The following NAALADL2 variants were observed in gnomAD, a reference collection of about 807,000 sequenced individuals.
NAALADL2 encodes N-acetylated alpha-linked acidic dipeptidase like 2, also known as inactive N-acetylated-alpha-linked acidic dipeptidase-like protein 2.
NAALADL2 carries 76 observed loss-of-function variants against 87.2 expected under a neutral mutation model. The ratio of observed to expected loss-of-function variants is 0.87; its 90% CI spans 0.72 to 1.05. The LOEUF (loss-of-function observed/expected upper bound fraction) is 1.05, where lower values mean the gene tolerates loss of function less well. Among genes scored for constraint, NAALADL2 ranks in the 50% least tolerant of loss-of-function variants. The pLI is 0.00. For synonymous variants in NAALADL2, 354 were observed against 331.0 expected, an observed-to-expected ratio of 1.07 and a Z score of -0.75; for missense variants, 1,089 against 945.8, an observed-to-expected ratio of 1.15 and a Z score of -1.99.
intron 11 of NAALADL2, among the ~76,000 whole-genome samples, chr3:175,703,509 G>A (rs927855620): frequency 1.3e-5 from 2 of 152,118 alleles, no homozygotes; most frequent in South Asian, 2.1e-4. Flanking sequence ...TTGGGAGGCC[G>A]AGGCGGGCGG....
At chr3:175,218,989 T>G in intron 2 of NAALADL2, among the ~76,000 whole-genome samples, 1 of 151,944 alleles carries the variant, frequency 6.6e-6, no homozygotes, top group East Asian at 1.9e-4. Context: ...TATTACTGTA[T>G]AATATTTTAT....
chr3:175,056,938 A>G (rs762319944), intron 1 of NAALADL2, among the ~76,000 whole-genome samples: 3 of 152,200 alleles, frequency 2.0e-5, no homozygotes, highest in Admixed American at 6.5e-5. Flanking sequence ...CATCATGTAC[A>G]TGTCACAGTG....
intron 3 of NAALADL2, among the ~76,000 whole-genome samples, chr3:174,814,373 C>T (rs912754367): frequency 6.6e-6 from 1 of 152,084 alleles, no homozygotes; most frequent in Non-Finnish European, 1.5e-5. Flanking sequence ...TCCCAAAGTG[C>T]TGGGATTACA....
intron 4 of NAALADL2, among the ~76,000 whole-genome samples, chr3:175,281,045 T>G (rs1335208266): frequency 6.6e-6 from 1 of 151,754 alleles, no homozygotes; most frequent in Non-Finnish European, 1.5e-5. Context: ...ACATTAACAT[T>G]TGAGGTGCAG....
chr3:175,088,507 TTAAA>T (rs1345049603), intron 1 of NAALADL2, among the ~76,000 whole-genome samples: 4 of 152,350 alleles, frequency 2.6e-5, no homozygotes, highest in African/African-American at 9.6e-5. Context: ...ACTGTGGGCC[TTAAA>T]TAGTCTTTGT....
intron 1 of NAALADL2, among the ~76,000 whole-genome samples, chr3:174,922,762 T>C (rs534328577): frequency 1.3e-5 from 2 of 152,268 alleles, no homozygotes; most frequent in Admixed American, 6.5e-5. Context: ...TGAAATGGTG[T>C]ATTTTTCCAC....
At chr3:175,323,775 T>C (rs1462530796) in intron 4 of NAALADL2, among the ~76,000 whole-genome samples, 5 of 151,588 alleles carry the variant, frequency 3.3e-5, no homozygotes, top group Non-Finnish European at 5.9e-5. Flanking sequence ...CCCAGCAGTT[T>C]GGGAGGCCGA....
Position 175,530,059 on chromosome 3 carries a change from A to AGTCCATGTT in NAALADL2, c.1654-45980_1654-45972dup, listed in dbSNP as rs567136695. 7.9e-5 allele frequency among the ~76,000 whole-genome samples: 12 copies of AGTCCATGTT among 152,308 alleles called. No individual in the cohort carries two copies. In the South Asian group the frequency reaches 2.5e-3, roughly 32 times the overall value. Reference sequence around the variant, plus strand: ...AGCCAGGTCAGACTTGGTGAGTGAAAGTCCATGTTGCTGAGCCCATGTGTA... The same window carrying AGTCCATGTT: ...AGCCAGGTCAGACTTGGTGAGTGAAAGTCCATGTTGTCCATGTTGCTGAGCCCATGTGTA... On this transcript the variant is annotated intron_variant, in intron 9 of 13. Coordinates refer to ENST00000454872, the MANE Select transcript of NAALADL2 (RefSeq NM_207015.3).
intron 1 of NAALADL2, among the ~76,000 whole-genome samples, chr3:175,095,159 T>C (rs891735161): frequency 6.6e-6 from 1 of 152,012 alleles, no homozygotes. Context: ...TCTTATTCTC[T>C]CTTTGTGTTT....
At chr3:174,745,939 A>G (rs533892011) in intron 3 of NAALADL2, among the ~76,000 whole-genome samples, 14 of 152,326 alleles carry the variant, frequency 9.2e-5, no homozygotes, top group African/African-American at 2.9e-4. Flanking sequence ...TCAAAATAGT[A>G]TGAGCCATTT....
At chr3:174,769,521 C>T (rs189579547) in intron 3 of NAALADL2, among the ~76,000 whole-genome samples, 5 of 151,746 alleles carry the variant, frequency 3.3e-5, no homozygotes, top group African/African-American at 4.8e-5. Context: ...AGGGAGAAAG[C>T]GTCTGGATTT....
At chr3:175,717,779 C>CT (rs1344351134) in intron 11 of NAALADL2, among the ~76,000 whole-genome samples, 1 of 147,010 alleles carries the variant, frequency 6.8e-6, no homozygotes. Context: ...AGAGTTTAGT[C>CT]TAACAGTGAC....
intron 2 of NAALADL2, among the ~76,000 whole-genome samples, chr3:174,734,608 C>T (rs1333657657): frequency 6.6e-6 from 1 of 152,056 alleles, no homozygotes; most frequent in Non-Finnish European, 1.5e-5. Flanking sequence ...GGGAAAACAC[C>T]AACATCCGGT....
intron 2 of NAALADL2, among the ~76,000 whole-genome samples, chr3:174,634,209 C>G (rs1460778362): frequency 1.3e-5 from 2 of 151,968 alleles, no homozygotes; most frequent in African/African-American, 2.4e-5. Flanking sequence ...ATATTAATAC[C>G]CTTTCCTGTT....
chr3:175,676,638 T>C (rs1444787505), intron 11 of NAALADL2: 1 of 143,602 alleles, frequency 7.0e-6, no homozygotes, highest in Non-Finnish European at 1.5e-5. Context: ...TGCTCTTGAT[T>C]AAAAAAAAAA....
chr3:174,527,475 C>T (rs1354273127), intron 1 of NAALADL2, among the ~76,000 whole-genome samples: 4 of 150,080 alleles, frequency 2.7e-5, no homozygotes, highest in South Asian at 2.1e-4. Flanking sequence ...GCTGAGATTG[C>T]GCCATTGCAC....
intron 1 of NAALADL2, among the ~76,000 whole-genome samples, chr3:174,955,978 ACT>A (rs1273146393): frequency 2.0e-5 from 3 of 151,912 alleles, no homozygotes; most frequent in East Asian, 1.9e-4. Context: ...TGGTTTAAAT[ACT>A]CTCTTTTGTA....
At chr3:175,601,974 A>G (rs116228993) in intron 10 of NAALADL2, among the ~76,000 whole-genome samples, 191 of 152,322 alleles carry the variant, frequency 1.3e-3, no homozygotes, top group Admixed American at 3.7e-3. Context: ...AATTGCAAAA[A>G]CATGATAAAC....
intron 4 of NAALADL2, among the ~76,000 whole-genome samples, chr3:175,298,045 A>T (rs1344709108): frequency 1.3e-5 from 2 of 152,138 alleles, no homozygotes; most frequent in Non-Finnish European, 2.9e-5. Flanking sequence ...ATATAAATAC[A>T]TGTTGAATGA....
Sources: allele counts gnomAD v4.1 joint callset (sites outside exome capture counted in the v4.1 genomes callset), GRCh38; gene constraint gnomAD v4.1.1; transcripts MANE v1.5; gene names NCBI Gene and HGNC (gene_info 2026-07-23, HGNC 2026-07-21).